Variants in ENAH observed in about 807,000 individuals in gnomAD.
The protein encoded by ENAH is protein enabled homolog.
ENAH carries 23 observed loss-of-function variants against 78.7 expected under a neutral mutation model. That is an observed-to-expected ratio of 0.29 (90% CI 0.21 to 0.41). ENAH has a LOEUF of 0.41. Ranked by LOEUF, ENAH falls within the 10% of genes least tolerant of loss-of-function variation. The probability of loss-of-function intolerance (pLI) is 1.00; values close to 1 mark genes in which losing one functional copy is unlikely to be tolerated. For missense variants in ENAH, 544 were observed against 691.0 expected, an observed-to-expected ratio of 0.79 and a Z score of 2.39; for synonymous variants, 226 against 241.0, an observed-to-expected ratio of 0.94 and a Z score of 0.58.
chr1:225,624,928 C>G (rs953657727), intron 1 of ENAH, among the ~76,000 whole-genome samples: 1 of 152,180 alleles, frequency 6.6e-6, no homozygotes, highest in African/African-American at 2.4e-5. Flanking sequence ...AAGCTAAGGA[C>G]TATGTGCTCA....
intron 2 of ENAH, among the ~76,000 whole-genome samples, chr1:225,556,214 TG>T (rs1044241939): frequency 6.6e-6 from 1 of 152,254 alleles, no homozygotes; most frequent in Non-Finnish European, 1.5e-5. Flanking sequence ...CATTCATTTT[TG>T]TTGGGCATAT....
chr1:225,650,197 A>G (rs961806545), intron 1 of ENAH, among the ~76,000 whole-genome samples: 2 of 152,328 alleles, frequency 1.3e-5, no homozygotes, highest in East Asian at 1.9e-4. Flanking sequence ...AGTACCTTCC[A>G]AAGTGAAAAG....
Position 225,519,107 on chromosome 1 carries a change from C to G in ENAH, c.802+91G>C, listed in dbSNP as rs1046472233. ...AATTGTATGGCTTAATCCCAAACAT[C>G]TCAAATGTGAAATATTTTAACACAT... On this transcript the variant is annotated intron_variant, in intron 5 of 13. Transcript: ENST00000366843. 9 of 1,520,706 alleles carry G rather than the reference C, an allele frequency of 5.9e-6. 1 individual carries two copies. The Admixed American group carries it at 1.5e-4, about 25-fold the overall frequency. The allele number at this position is 1,520,706 out of a possible 1,614,324, so 94.2% of individuals were successfully genotyped here.
chr1:225,562,571 CAAAAAAAAAAA>C (rs869309795), intron 2 of ENAH, among the ~76,000 whole-genome samples: 23 of 38,096 alleles, frequency 6.0e-4, no homozygotes, highest in African/African-American at 8.1e-4. Flanking sequence ...GACTGCGTCT[CAAAAAAAAAAA>C]AAAAAAAAAA....
intron 4 of ENAH, among the ~76,000 whole-genome samples, chr1:225,522,914 C>T (rs1484212552): frequency 6.6e-6 from 1 of 152,108 alleles, no homozygotes; most frequent in Non-Finnish European, 1.5e-5. Context: ...GCATTTGTTA[C>T]TTCTTCTATT....
intron 6 of ENAH, among the ~76,000 whole-genome samples, chr1:225,515,967 A>T (rs1448201908): frequency 6.6e-6 from 1 of 152,220 alleles, no homozygotes; most frequent in Middle Eastern, 3.2e-3. Flanking sequence ...TTGTAAGTCA[A>T]CAACAACAAA....
chr1:225,563,902 T>C (rs961342824), intron 2 of ENAH, among the ~76,000 whole-genome samples: 8 of 152,196 alleles, frequency 5.3e-5, no homozygotes, highest in African/African-American at 1.9e-4. Flanking sequence ...GGGGGCAGAT[T>C]ATTTACTATT....
At chr1:225,514,546 AT>A (rs769174092) in intron 7 of ENAH, 49 bp downstream of exon 7, 4 of 1,243,574 alleles carry the variant, frequency 3.2e-6, no homozygotes, top group Non-Finnish European at 3.5e-6. Context: ...CATTTTAGAT[AT>A]TTAGGAAGAA....
intron 1 of ENAH, among the ~76,000 whole-genome samples, chr1:225,644,943 A>G (rs1352500761): frequency 1.3e-5 from 2 of 152,168 alleles, no homozygotes; most frequent in Non-Finnish European, 2.9e-5. Flanking sequence ...GCTTCATCAC[A>G]TTTTACTGGT....
intron 1 of ENAH, among the ~76,000 whole-genome samples, chr1:225,597,704 C>T (rs1044361586): frequency 1.3e-5 from 2 of 149,402 alleles, no homozygotes; most frequent in Admixed American, 6.7e-5. Flanking sequence ...ACAATGAAAC[C>T]CAATGTGCCA....
chr1:225,519,306 GTTC>G lies in ENAH; in HGVS notation c.691_693del (p.Glu231del). The stretch of plus-strand genomic sequence containing the variant: ...CGTTCCAGTCTCTCCAGCCTCTCTC[GTTC>G]TTGTCTTTCTTGCCTCTCCCGATCC... On this transcript the variant is annotated inframe_deletion, in exon 5 of 14. Transcript: ENST00000366843. 1 of 1,612,856 alleles carries G rather than the reference GTTC, an allele frequency of 6.2e-7. No individual in the cohort carries two copies. The highest frequency in any genetic ancestry group is 8.5e-7 in the Non-Finnish European group (1 of 1,179,720).
intron 10 of ENAH, chr1:225,508,485 A>G (rs558671826): frequency 6.6e-6 from 1 of 152,402 alleles, no homozygotes; most frequent in African/African-American, 2.4e-5. Flanking sequence ...CTAAATCCAA[A>G]TAGTCCCTCT....
At chr1:225,521,129 T>G (rs2096465223) in intron 4 of ENAH, among the ~76,000 whole-genome samples, 1 of 152,110 alleles carries the variant, frequency 6.6e-6, no homozygotes, top group African/African-American at 2.4e-5. Context: ...ATAATAATAT[T>G]CGATTATTTT....
At position 225,493,483 on chromosome 1, in the gene ENAH, T is replaced by G. The variant is rs2096233341; in HGVS notation, c.*4292A>C. 6.6e-6 allele frequency: 1 copy of G among 152,224 alleles called. No homozygotes were observed. Among genetic ancestry groups the G allele is most frequent in the African/African-American group, 2.4e-5 (1 of 41,460 alleles). 9.4% of individuals were successfully genotyped at this position (152,224 alleles called of 1,614,324 possible). A position where few individuals can be genotyped will look rare whatever the true frequency, so the allele number is the denominator to read the frequency against. Reference sequence around the variant, plus strand: ...TTTAAAAATATTAAATGGCTTTTAGTGAAAAGGCAGAGGTATTAAACATCA... The same window carrying G: ...TTTAAAAATATTAAATGGCTTTTAGGGAAAAGGCAGAGGTATTAAACATCA... On this transcript the variant is annotated 3_prime_UTR_variant, in exon 14 of 14. Transcript: ENST00000366843.
At chr1:225,637,002 A>G (rs1660180971) in intron 1 of ENAH, among the ~76,000 whole-genome samples, 2 of 152,318 alleles carry the variant, frequency 1.3e-5, no homozygotes, top group South Asian at 4.1e-4. Context: ...CAGAAGACAG[A>G]CAGAATAAAA....
chr1:225,604,323 A>G (rs2096944259), intron 1 of ENAH, among the ~76,000 whole-genome samples: 1 of 152,144 alleles, frequency 6.6e-6, no homozygotes, highest in Non-Finnish European at 1.5e-5. Flanking sequence ...GAAAATGTCA[A>G]TGACTTGCTG....
chr1:225,632,677 T>C (rs1659309950), intron 1 of ENAH, among the ~76,000 whole-genome samples: 2 of 152,374 alleles, frequency 1.3e-5, no homozygotes, highest in South Asian at 4.1e-4. Context: ...CATCTACATA[T>C]AGTTGAAATA....
intron 12 of ENAH, among the ~76,000 whole-genome samples, chr1:225,499,064 T>A (rs2151028132): frequency 6.6e-6 from 1 of 152,300 alleles, no homozygotes; most frequent in East Asian, 1.9e-4. Flanking sequence ...CACACCAGAT[T>A]CCAAAGATTT....
intron 4 of ENAH, among the ~76,000 whole-genome samples, chr1:225,522,491 T>A (rs772216530): frequency 7.2e-5 from 11 of 152,234 alleles, no homozygotes; most frequent in Non-Finnish European, 1.3e-4. Context: ...CAGGATCTAG[T>A]ACGGACTTCA....
Sources: gnomAD v4.1 joint callset for allele counts (sites outside exome capture counted in the v4.1 genomes callset) on GRCh38, gnomAD v4.1.1 for gene constraint, MANE v1.5 for transcripts, NCBI Gene and HGNC (gene_info 2026-07-23, HGNC 2026-07-21) for gene names.